The following EPHA5 variants were observed in gnomAD, a reference collection of about 807,000 sequenced individuals.
EPHA5 encodes EPH receptor A5.
A neutral mutation model predicts 105.0 loss-of-function variants in EPHA5; 60 were observed. That is an observed-to-expected ratio of 0.57 (90% CI 0.46 to 0.71). The LOEUF (loss-of-function observed/expected upper bound fraction) is 0.71, where lower values mean the gene tolerates loss of function less well. Among genes scored for constraint, EPHA5 ranks in the 30% least tolerant of loss-of-function variants. The probability of loss-of-function intolerance (pLI) is 0.00; values close to 1 mark genes in which losing one functional copy is unlikely to be tolerated. For synonymous variants in EPHA5, 513 were observed against 449.1 expected, an observed-to-expected ratio of 1.14 and a Z score of -1.80; for missense variants, 1,218 against 1,274.7, an observed-to-expected ratio of 0.96 and a Z score of 0.68.
At chr4:65,534,666 A>G (rs971420403) in intron 3 of EPHA5, among the ~76,000 whole-genome samples, 5 of 152,180 alleles carry the variant, frequency 3.3e-5, no homozygotes, top group South Asian at 4.1e-4. Context: ...TTCTGCAAAG[A>G]TCTGAAACCT....
chr4:65,600,501 G>A (rs146787571), intron 3 of EPHA5, among the ~76,000 whole-genome samples: 1 of 152,236 alleles, frequency 6.6e-6, no homozygotes, highest in East Asian at 1.9e-4. Flanking sequence ...AATTAACCAA[G>A]TTATTATAAT....
chr4:65,461,317 G>C (rs1728101458), intron 5 of EPHA5, among the ~76,000 whole-genome samples: 1 of 151,818 alleles, frequency 6.6e-6, no homozygotes. Context: ...GTTCTTGTTT[G>C]TTTTATTTTT....
chr4:65,539,142 G>A lies in EPHA5; in HGVS notation c.911-43599C>T, dbSNP rs1225989433. Among the ~76,000 whole-genome samples the A allele has an allele frequency of 4.6e-5, 7 of 151,696 alleles. No individual in the cohort carries two copies. In the South Asian group the frequency reaches 8.3e-4, roughly 18 times the overall value. ...AAATAAGCCAACTGTAGGTGGAGAGGCATTATAATAAAATGGGGAAAAAAG... is the reference window on the plus strand; with the variant it reads ...AAATAAGCCAACTGTAGGTGGAGAGACATTATAATAAAATGGGGAAAAAAG... On this transcript the variant is annotated intron_variant, in intron 3 of 16. Transcript: ENST00000613740.
At chr4:65,643,232 C>T in intron 2 of EPHA5, 131 bp downstream of exon 2, 2 of 638,228 alleles carry the variant, frequency 3.1e-6, no homozygotes, top group Non-Finnish European at 5.4e-6. Context: ...TCCCCTCACC[C>T]CATCCAACAC....
intron 2 of EPHA5, among the ~76,000 whole-genome samples, chr4:65,607,951 G>A (rs1744396823): frequency 2.0e-5 from 3 of 152,150 alleles, no homozygotes. Flanking sequence ...ATCAATGTTA[G>A]ACTGGATAAA....
At chr4:65,330,290 A>T (rs1310890308) in intron 16 of EPHA5, among the ~76,000 whole-genome samples, 6 of 151,540 alleles carry the variant, frequency 4.0e-5, no homozygotes, top group Non-Finnish European at 8.9e-5. Context: ...GGCTTGAAAG[A>T]AAACAAAAAC....
rs1022412399 is a variant in EPHA5, at chr4:65,331,666, TA to T, written c.2945+306del. The stretch of plus-strand genomic sequence containing the variant: ...CATTCATATAACATAGATACCAGTA[TA>T]AAAAAACTTGTCAAGAAAACATCTT... On this transcript the variant is annotated intron_variant, in intron 16 of 16. Transcript: ENST00000613740. 8 of 1,116,778 alleles carry T rather than the reference TA, an allele frequency of 7.2e-6. No individual in the cohort carries two copies. In the Admixed American group the frequency reaches 2.4e-4, roughly 34 times the overall value. 69.2% of individuals were successfully genotyped at this position (1,116,778 alleles called of 1,614,324 possible).
At chr4:65,554,359 T>A (rs1368891016) in intron 3 of EPHA5, among the ~76,000 whole-genome samples, 2 of 150,876 alleles carry the variant, frequency 1.3e-5, no homozygotes, top group African/African-American at 4.8e-5. Flanking sequence ...TTTTGGCTAA[T>A]CTATTTGAAA....
intron 5 of EPHA5, among the ~76,000 whole-genome samples, chr4:65,436,434 C>T (rs770834996): frequency 7.3e-5 from 11 of 151,644 alleles, no homozygotes; most frequent in African/African-American, 9.7e-5. Context: ...AAATTCTGTC[C>T]GTCATATTTT....
At position 65,363,475 on chromosome 4, in the gene EPHA5, T is replaced by C. The variant is rs79371715; in HGVS notation, c.2173+1542A>G. Among the ~76,000 whole-genome samples, 1,221 of 151,654 alleles carry C rather than the reference T, an allele frequency of 8.1e-3. 12 individuals are homozygous for C. Among genetic ancestry groups the C allele is most frequent in the African/African-American group, 0.028 (1,144 of 41,480 alleles). ...TGGTCTTCCATGATAATAACAGTAA[T>C]CTGGCATTGTTCTAAATATTACATC... On this transcript the variant is annotated intron_variant, in intron 11 of 16. Coordinates refer to ENST00000613740, the MANE Select transcript of EPHA5 (RefSeq NM_001281766.3).
Position 65,490,762 on chromosome 4 carries a change from T to G in EPHA5, c.1067-50A>C. The stretch of plus-strand genomic sequence containing the variant: ...AAACATATTTTAAGATGGTATTAAT[T>G]AGGCATTATTTATCACACCAATTCC... On this transcript the variant is annotated intron_variant, in intron 4 of 16. Coordinates refer to ENST00000613740, the MANE Select transcript of EPHA5 (RefSeq NM_001281766.3). 1.9e-6 allele frequency: 3 copies of G among 1,546,424 alleles called. No individual in the cohort carries two copies. In the South Asian group the frequency reaches 3.6e-5, roughly 19 times the overall value.
intron 3 of EPHA5, among the ~76,000 whole-genome samples, chr4:65,565,728 C>T (rs1416887562): frequency 6.7e-6 from 1 of 150,236 alleles, no homozygotes; most frequent in Non-Finnish European, 1.5e-5. Flanking sequence ...AGGAGGATGC[C>T]AAACTCTAGC....
At chr4:65,356,113 G>A (rs1043183351) in intron 11 of EPHA5, among the ~76,000 whole-genome samples, 2 of 151,482 alleles carry the variant, frequency 1.3e-5, no homozygotes, top group African/African-American at 4.8e-5. Flanking sequence ...CAGACGCTGT[G>A]CTCCACTAAT....
intron 3 of EPHA5, among the ~76,000 whole-genome samples, chr4:65,564,344 G>T (rs2149362349): frequency 6.6e-6 from 1 of 151,858 alleles, no homozygotes; most frequent in South Asian, 2.1e-4. Context: ...TAAAGTTTAG[G>T]TAATTACTGG....
chr4:65,666,649 T>C (rs1402692217), intron 1 of EPHA5, among the ~76,000 whole-genome samples: 1 of 152,222 alleles, frequency 6.6e-6, no homozygotes, highest in Non-Finnish European at 1.5e-5. Context: ...ATACTGTAGA[T>C]CAAATATTCC....
intron 3 of EPHA5, among the ~76,000 whole-genome samples, chr4:65,582,425 C>A (rs931838180): frequency 1.4e-5 from 2 of 147,052 alleles, no homozygotes; most frequent in East Asian, 4.0e-4. Flanking sequence ...CTCTGGATGG[C>A]AAAGACTCAA....
intron 14 of EPHA5, among the ~76,000 whole-genome samples, chr4:65,337,826 A>C (rs1457000788): frequency 6.6e-6 from 1 of 152,018 alleles, no homozygotes; most frequent in Non-Finnish European, 1.5e-5. Flanking sequence ...ATATAATAAA[A>C]ATTATTAGAA....
At chr4:65,594,265 T>C (rs1300192036) in intron 3 of EPHA5, among the ~76,000 whole-genome samples, 3 of 152,192 alleles carry the variant, frequency 2.0e-5, no homozygotes, top group Non-Finnish European at 4.4e-5. Flanking sequence ...GTGCATCTTA[T>C]TTTAATAAAT....
intron 5 of EPHA5, among the ~76,000 whole-genome samples, chr4:65,456,725 C>CACAA (rs1560556412): frequency 6.7e-6 from 1 of 148,324 alleles, no homozygotes; most frequent in Non-Finnish European, 1.5e-5. Context: ...TAAACATATA[C>CACAA]ACACACACAC....
Sources: allele counts gnomAD v4.1 joint callset (sites outside exome capture counted in the v4.1 genomes callset), GRCh38; gene constraint gnomAD v4.1.1; transcripts MANE v1.5; gene names NCBI Gene and HGNC (gene_info 2026-07-23, HGNC 2026-07-21).